NCAM2: variants seen among roughly 807,000 people sequenced by gnomAD.
NCAM2 encodes neural cell adhesion molecule 2.
Under a neutral mutation model 98.1 loss-of-function variants are expected in NCAM2, and 30 were observed. That is an observed-to-expected ratio of 0.31 (90% CI 0.23 to 0.41). The LOEUF is 0.41. NCAM2 is among the 10% of genes least tolerant of loss of function. The pLI is 1.00. For synonymous variants in NCAM2, 368 were observed against 342.4 expected (o/e 1.07, Z -0.83); for missense variants, 867 against 1,005.8 (o/e 0.86, Z 1.87).
intron 8 of NCAM2, among the ~76,000 whole-genome samples, chr21:21,341,809 A>T (rs2075046619): frequency 6.6e-6 from 1 of 151,408 alleles, no homozygotes; most frequent in Admixed American, 6.6e-5. Flanking sequence ...GAATGCTCTT[A>T]TACTGAGCTC....
intron 12 of NCAM2, among the ~76,000 whole-genome samples, chr21:21,435,789 G>A (rs1405333254): frequency 6.6e-6 from 1 of 152,034 alleles, no homozygotes; most frequent in African/African-American, 2.4e-5. Flanking sequence ...TTTATTTATT[G>A]CTGCATTTAC....
chr21:21,521,927 G>GT (rs1383156040), intron 16 of NCAM2, among the ~76,000 whole-genome samples: 3 of 151,320 alleles, frequency 2.0e-5, no homozygotes, highest in Non-Finnish European at 2.9e-5. Flanking sequence ...AAATTCAAAT[G>GT]TGTAAATTCA....
chr21:21,238,627 C>T (rs200702104), intron 1 of NCAM2, among the ~76,000 whole-genome samples: 1 of 152,050 alleles, frequency 6.6e-6, no homozygotes, highest in Non-Finnish European at 1.5e-5. Flanking sequence ...TGCCAATACT[C>T]TTTTCTTCTT....
At chr21:21,178,171 A>G (rs2068355923) in intron 1 of NCAM2, among the ~76,000 whole-genome samples, 1 of 152,110 alleles carries the variant, frequency 6.6e-6, no homozygotes. Context: ...ACAATGAAAA[A>G]CATTTCACAT....
chr21:21,288,258 G>T (rs920128757), intron 4 of NCAM2, among the ~76,000 whole-genome samples: 1 of 151,896 alleles, frequency 6.6e-6, no homozygotes, highest in South Asian at 2.1e-4. Flanking sequence ...ATCCACGAAT[G>T]TGGAATCCAT....
chr21:21,372,711 T>C (rs1453293077), intron 8 of NCAM2, among the ~76,000 whole-genome samples: 1 of 151,848 alleles, frequency 6.6e-6, no homozygotes, highest in Non-Finnish European at 1.5e-5. Context: ...TGAGAATGGC[T>C]TCTAACTTTC....
intron 12 of NCAM2, among the ~76,000 whole-genome samples, chr21:21,464,076 C>T (rs1001013036): frequency 6.6e-6 from 1 of 151,972 alleles, no homozygotes. Flanking sequence ...TGTTTAAATT[C>T]TTTTGCTTCT....
At chr21:21,147,356 AT>A in intron 1 of NCAM2, 1 of 914,080 alleles carries the variant, frequency 1.1e-6, no homozygotes, top group Non-Finnish European at 1.3e-6. Flanking sequence ...ATCAGTTGAA[AT>A]TTAGAGTAGA....
At chr21:21,094,413 G>A (rs983621151) in intron 1 of NCAM2, among the ~76,000 whole-genome samples, 1 of 151,702 alleles carries the variant, frequency 6.6e-6, no homozygotes, top group African/African-American at 2.4e-5. Flanking sequence ...GTGATATAAG[G>A]ACAGTTAATC....
At chr21:21,399,052 A>G (rs2076574886) in intron 9 of NCAM2, among the ~76,000 whole-genome samples, 1 of 152,156 alleles carries the variant, frequency 6.6e-6, no homozygotes. Context: ...TAGGATCAAG[A>G]GGTGACCAAG....
intron 5 of NCAM2, among the ~76,000 whole-genome samples, chr21:21,303,785 A>G (rs552487021): frequency 6.6e-6 from 1 of 152,262 alleles, no homozygotes; most frequent in African/African-American, 2.4e-5. Context: ...CCAAAACTTG[A>G]CATACTCAGG....
At chr21:21,361,350 T>C (rs1424144885) in intron 8 of NCAM2, among the ~76,000 whole-genome samples, 1 of 152,130 alleles carries the variant, frequency 6.6e-6, no homozygotes, top group Non-Finnish European at 1.5e-5. Context: ...ACTGAAACTC[T>C]CTGGCAAGCT....
intron 1 of NCAM2, among the ~76,000 whole-genome samples, chr21:21,201,029 A>G (rs1304083801): frequency 6.6e-6 from 1 of 152,138 alleles, no homozygotes; most frequent in Non-Finnish European, 1.5e-5. Flanking sequence ...CTTTCAAAGC[A>G]GTTTGACAAC....
intron 15 of NCAM2, among the ~76,000 whole-genome samples, chr21:21,508,253 C>T (rs1482825909): frequency 6.6e-6 from 1 of 152,082 alleles, no homozygotes; most frequent in African/African-American, 2.4e-5. Context: ...AAAATATTAA[C>T]TGGAGAAATA....
chr21:21,348,861 G>A (rs540949859), intron 8 of NCAM2, among the ~76,000 whole-genome samples: 24 of 152,194 alleles, frequency 1.6e-4, no homozygotes, highest in Middle Eastern at 3.4e-3. Context: ...AATAAATGGC[G>A]CTGGGGAAAC....
chr21:21,418,829 T>A (rs546364657), intron 11 of NCAM2, among the ~76,000 whole-genome samples: 61 of 152,124 alleles, frequency 4.0e-4, no homozygotes, highest in Non-Finnish European at 7.8e-4. Context: ...AGGGCTATAA[T>A]AGTTCACAAT....
In NCAM2 at chr21:21,050,126, C is replaced by T. The variant is rs114195716; in HGVS notation, c.55+51508C>T. Among the ~76,000 whole-genome samples, 586 of 145,634 alleles carry T rather than the reference C, an allele frequency of 4.0e-3. 4 individuals are homozygous for T. The highest frequency in any genetic ancestry group is 0.015 in the African/African-American group (558 of 38,362). ...TGTTTTTTTCATTTCACATTAAGCA[C>T]TGTAAAGTGCAAAAAAAAAAAAGGT... On this transcript the variant is annotated intron_variant, in intron 1 of 17. Transcript: ENST00000400546.
At chr21:21,341,500 C>G (rs2075035665) in intron 8 of NCAM2, among the ~76,000 whole-genome samples, 1 of 152,028 alleles carries the variant, frequency 6.6e-6, no homozygotes, top group South Asian at 2.1e-4. Flanking sequence ...GGCTTGGGAA[C>G]TATAAAACAA....
chr21:21,028,591 C>T (rs1313611050), intron 1 of NCAM2, among the ~76,000 whole-genome samples: 1 of 152,156 alleles, frequency 6.6e-6, no homozygotes, highest in Non-Finnish European at 1.5e-5. Context: ...TAATCAGGGA[C>T]AGAAAACTGC....
Sources: gnomAD v4.1 joint callset for allele counts (sites outside exome capture counted in the v4.1 genomes callset) on GRCh38, gnomAD v4.1.1 for gene constraint, MANE v1.5 for transcripts, NCBI Gene and HGNC (gene_info 2026-07-23, HGNC 2026-07-21) for gene names.